CCDC88A: variants seen among roughly 807,000 people sequenced by gnomAD.
CCDC88A encodes the protein girdin.
In CCDC88A, 54 loss-of-function variants were observed where a neutral mutation model predicts 234.3. That is an observed-to-expected ratio of 0.23 (90% CI 0.19 to 0.29). The LOEUF is 0.29. CCDC88A is among the 10% of genes least tolerant of loss of function. CCDC88A has a pLI of 1.00. For missense variants in CCDC88A, 1,832 were observed against 2,123.4 expected, an observed-to-expected ratio of 0.86 and a Z score of 2.70; for synonymous variants, 753 against 737.8, an observed-to-expected ratio of 1.02 and a Z score of -0.33.
intron 2 of CCDC88A, among the ~76,000 whole-genome samples, chr2:55,415,315 C>CA (rs1386403379): frequency 2.6e-5 from 4 of 152,000 alleles, no homozygotes; most frequent in African/African-American, 9.6e-5. Flanking sequence ...TCTTGAAAAA[C>CA]AAAAAAGTAT....
intron 6 of CCDC88A, among the ~76,000 whole-genome samples, chr2:55,363,334 A>G (rs1275194627): frequency 6.6e-6 from 1 of 151,932 alleles, no homozygotes; most frequent in Non-Finnish European, 1.5e-5. Flanking sequence ...TCCCTTTTCT[A>G]ATCAACATGT....
At chr2:55,373,850 G>A (rs13394864) in intron 4 of CCDC88A, among the ~76,000 whole-genome samples, 9,365 of 152,014 alleles carry the variant, frequency 0.062, 919 homozygotes, top group African/African-American at 0.2. Context: ...TGACTGAGAG[G>A]GGGTATGGGC....
intron 3 of CCDC88A, among the ~76,000 whole-genome samples, chr2:55,387,352 TA>T (rs1395799037): frequency 6.6e-6 from 1 of 152,100 alleles, no homozygotes; most frequent in Admixed American, 6.6e-5. Flanking sequence ...CACTATTCCA[TA>T]AAAGGGTAAA....
intron 25 of CCDC88A, 163 bp downstream of exon 25, chr2:55,308,646 T>C (rs535572050): frequency 8.4e-6 from 5 of 596,600 alleles, no homozygotes; most frequent in East Asian, 2.8e-5. Flanking sequence ...CCTCAGAAAA[T>C]TGTGTGGCTG....
chr2:55,349,754 T>C (rs763083022), intron 8 of CCDC88A, 155 bp from the exon 9 acceptor site: 1 of 517,818 alleles, frequency 1.9e-6, no homozygotes, highest in African/African-American at 2.0e-5. Context: ...AAGATAGATA[T>C]TAGGAATTTA....
Position 55,419,301 on chromosome 2 carries a change from C to G in CCDC88A, c.-222G>C. The G allele has an allele frequency of 1.9e-6, 1 of 530,628 alleles. No homozygotes were observed. Among genetic ancestry groups the G allele is most frequent in the South Asian group, 2.2e-5 (1 of 46,296 alleles). The allele number at this position is 530,628 out of a possible 1,614,324, so 32.9% of individuals were successfully genotyped here. A position where few individuals can be genotyped will look rare whatever the true frequency, so the allele number is the denominator to read the frequency against. ...CTTCGACGACGGACACCACGAGCAG[C>G]AGCCTGCGCTGGAAATGTCTGTACC... On this transcript the variant is annotated 5_prime_UTR_variant, in exon 1 of 33. Coordinates refer to ENST00000436346, the MANE Select transcript of CCDC88A (RefSeq NM_001365480.1).
At chr2:55,417,102 T>C (rs190065082) in intron 2 of CCDC88A, 22 of 152,090 alleles carry the variant, frequency 1.4e-4, no homozygotes, top group African/African-American at 5.1e-4. Context: ...TTTCAAAATA[T>C]ACATATATTT....
chr2:55,381,534 C>G (rs550470296), intron 3 of CCDC88A, among the ~76,000 whole-genome samples: 1 of 105,696 alleles, frequency 9.5e-6, no homozygotes, highest in Non-Finnish European at 1.7e-5. Context: ...GCCTGGGCAA[C>G]AGAGTGAGAC....
rs201036963 is a variant in CCDC88A, at chr2:55,334,477, A to G, written c.2344T>C (p.Leu782=). Residue 782 remains leucine, a synonymous_variant, in exon 15 of 33, where the codon TTA becomes CTA. Transcript: ENST00000436346. This position sits in a 1 kb window ranked among gnomAD's most constrained non-coding sequence, Gnocchi z 6.1. ...TCTAAGTCTTGTAGTTCACTCTCTA[A>G]TTGCTGGATTTTTTTATTGCTGTTC... ...LENSNKKIQQ[L]ESELQDLEME... is the part of the protein sequence containing the mutation. 6.2e-7 allele frequency: 1 copy of G among 1,604,954 alleles called. No homozygotes were observed. The highest frequency in any genetic ancestry group is 8.5e-7 in the Non-Finnish European group (1 of 1,177,608).
intron 2 of CCDC88A, chr2:55,418,553 G>A (rs1681841378): frequency 4.3e-6 from 2 of 466,838 alleles, no homozygotes; most frequent in East Asian, 6.5e-5. Flanking sequence ...AATGTGGCTT[G>A]GATTTCAGTA....
intron 2 of CCDC88A, among the ~76,000 whole-genome samples, chr2:55,408,092 T>A (rs775996158): frequency 1.3e-5 from 2 of 152,058 alleles, no homozygotes; most frequent in East Asian, 3.9e-4. Flanking sequence ...ATTAAAAAAA[T>A]AAGGAAGAAA....
rs774454422 is a variant in CCDC88A at position 55,317,691 on chromosome 2, C to G, written c.3475G>C (p.Asp1159His). ...TGAAGAAGTTCCAGCTTTTCATGAT[C>G]TTTGATCAGAGAATCATAGAGAGAT... Reference protein sequence around the residue: ...LKSLYDSLIKDHEKLELLHER... With the variant: ...LKSLYDSLIKHHEKLELLHER... The change falls in exon 20 of 33, where the codon GAT (aspartate) becomes CAT (histidine). Residue 1159 changes from aspartate to histidine, a missense_variant. By Grantham distance (81) the Asp-to-His change is moderately conservative. Transcript: ENST00000436346. This position sits in a 1 kb window ranked among gnomAD's most constrained non-coding sequence, Gnocchi z 4.2. 1 of 1,613,478 alleles carries G rather than the reference C, an allele frequency of 6.2e-7. No individual in the cohort carries two copies. The highest frequency in any genetic ancestry group is 1.7e-5 in the Admixed American group (1 of 60,000).
At chr2:55,320,845 C>T in intron 18 of CCDC88A, 1 of 152,148 alleles carries the variant, frequency 6.6e-6, no homozygotes, top group Non-Finnish European at 1.5e-5. Context: ...TGTGGTGACT[C>T]ACACCTGCAA....
intron 17 of CCDC88A, among the ~76,000 whole-genome samples, chr2:55,325,418 G>A (rs1227061994): frequency 2.0e-5 from 3 of 152,168 alleles, no homozygotes; most frequent in Non-Finnish European, 2.9e-5. Context: ...CTTAGCTGTA[G>A]AGATTTTTCT....
Position 55,317,605 on chromosome 2 carries a change from G to T in CCDC88A, c.3561C>A (p.Ala1187=). ...TATGTTCCACCTCAAGATTTTTGTG[G>T]GCAGACTTCAGAGTTCCATGTTTAG... ...LISKHGTLKS[A]HKNLEVEHRD... The change falls in exon 20 of 33, where the codon GCC becomes GCA. Residue 1187 remains alanine, a synonymous_variant. Transcript: ENST00000436346. The surrounding 1 kb of genome is among the most constrained non-coding windows in gnomAD (Gnocchi z 4.2). 1 of 1,588,656 alleles carries T rather than the reference G, an allele frequency of 6.3e-7. No individual in the cohort carries two copies. Among genetic ancestry groups the T allele is most frequent in the Non-Finnish European group, 8.6e-7 (1 of 1,162,208 alleles).
At chr2:55,352,350 C>G (rs995035576) in intron 8 of CCDC88A, among the ~76,000 whole-genome samples, 3 of 151,692 alleles carry the variant, frequency 2.0e-5, no homozygotes, top group African/African-American at 7.3e-5. Flanking sequence ...TCGCTTGAAC[C>G]CAGGAGGCAG....
chr2:55,399,388 G>T (rs1409980887), intron 2 of CCDC88A, among the ~76,000 whole-genome samples: 4 of 151,932 alleles, frequency 2.6e-5, no homozygotes, highest in Non-Finnish European at 5.9e-5. Flanking sequence ...AATTAGCTGG[G>T]CGTGGTGGTG....
chr2:55,296,518 C>T lies in CCDC88A; in HGVS notation c.4831G>A (p.Ala1611Thr). 1.2e-6 allele frequency: 2 copies of T among 1,613,446 alleles called. No individual in the cohort carries two copies. Among genetic ancestry groups the T allele is most frequent in the South Asian group, 1.1e-5 (1 of 90,892 alleles). ...NASLHEVKAGAVNNQSRPQSH... is the reference protein window; with the variant it reads ...NASLHEVKAGTVNNQSRPQSH... The stretch of plus-strand genomic sequence containing the variant: ...TGTGGCCTGCTTTGGTTATTAACTG[C>T]ACCTGCTTTTGGAGTAAATGGGGTG... Residue 1611 changes from alanine (A) to threonine (T), a missense_variant, in exon 30 of 33, where the codon GCA (alanine) becomes ACA (threonine). By Grantham distance (58) the Ala-to-Thr change is moderately conservative. Transcript: ENST00000436346.
In CCDC88A at chr2:55,400,052, A is replaced by G. The variant is rs545371924; in HGVS notation, c.165-11166T>C. On this transcript the variant is annotated intron_variant, in intron 2 of 32. Coordinates refer to ENST00000436346, the MANE Select transcript of CCDC88A (RefSeq NM_001365480.1). ...CTCTAAAAAGAAATGTAGTCTATTA[A>G]GTATGACTCACAGAATTCTCTAAAG... is the stretch of plus-strand genomic sequence containing the variant. 2.3e-4 allele frequency among the ~76,000 whole-genome samples: 35 copies of G among 152,342 alleles called. 1 individual carries two copies. In the South Asian group the frequency reaches 7.2e-3, roughly 32 times the overall value.
Sources: allele counts gnomAD v4.1 joint callset (sites outside exome capture counted in the v4.1 genomes callset), GRCh38; gene constraint gnomAD v4.1.1; non-coding constraint Gnocchi (gnomAD v3.1); transcripts MANE v1.5; gene names NCBI Gene and HGNC (gene_info 2026-07-23, HGNC 2026-07-21).